ADCY2: variants seen among roughly 807,000 people sequenced by gnomAD.
The protein encoded by ADCY2 is adenylate cyclase 2, also known as adenylate cyclase type 2.
A neutral mutation model predicts 125.2 loss-of-function variants in ADCY2; 31 were observed. That is an observed-to-expected ratio of 0.25 (90% confidence interval 0.19 to 0.33). The LOEUF (loss-of-function observed/expected upper bound fraction) is 0.33, where lower values mean the gene tolerates loss of function less well. ADCY2 is among the 10% of genes least tolerant of loss of function. The pLI is 1.00. For synonymous variants in ADCY2, 512 were observed against 548.4 expected (o/e 0.93, Z 0.93); for missense variants, 904 against 1,418.2 (o/e 0.64, Z 5.82).
chr5:7,491,561 AT>A (rs1388759675), intron 2 of ADCY2, among the ~76,000 whole-genome samples: 1 of 152,180 alleles, frequency 6.6e-6, no homozygotes, highest in Admixed American at 6.5e-5. Context: ...ACTTTGAAGA[AT>A]CATTTTTTGT....
intron 14 of ADCY2, among the ~76,000 whole-genome samples, chr5:7,737,429 G>C (rs1201701613): frequency 6.6e-6 from 1 of 152,138 alleles, no homozygotes. Flanking sequence ...TGGAATTTTA[G>C]AAAAGGCAGG....
chr5:7,561,074 G>A (rs9313198), intron 3 of ADCY2, among the ~76,000 whole-genome samples: 4,192 of 152,262 alleles, frequency 0.028, 188 homozygotes, highest in African/African-American at 0.096. Context: ...CGTTCATAAG[G>A]AAAGGTTACG....
At chr5:7,462,888 G>A (rs1198969991) in intron 2 of ADCY2, among the ~76,000 whole-genome samples, 1 of 152,160 alleles carries the variant, frequency 6.6e-6, no homozygotes, top group Non-Finnish European at 1.5e-5. Context: ...AAAGGATATT[G>A]CAGTGTCCAG....
intron 2 of ADCY2, among the ~76,000 whole-genome samples, chr5:7,449,391 G>C (rs929916107): frequency 6.6e-6 from 1 of 152,126 alleles, no homozygotes; most frequent in African/African-American, 2.4e-5. Flanking sequence ...AGTGTATTCT[G>C]TACTATTTTT....
chr5:7,803,904 A>G (rs1397236086), intron 21 of ADCY2, among the ~76,000 whole-genome samples: 2 of 148,278 alleles, frequency 1.3e-5, no homozygotes, highest in Non-Finnish European at 3.0e-5. Flanking sequence ...TGTCTCGAAT[A>G]TATATATATA....
At chr5:7,613,618 G>T (rs1003700132) in intron 3 of ADCY2, among the ~76,000 whole-genome samples, 1 of 152,154 alleles carries the variant, frequency 6.6e-6, no homozygotes, top group African/African-American at 2.4e-5. Flanking sequence ...TTTTCTTGGC[G>T]TTTCATCTCA....
At chr5:7,461,697 C>T (rs904487540) in intron 2 of ADCY2, among the ~76,000 whole-genome samples, 7 of 152,152 alleles carry the variant, frequency 4.6e-5, no homozygotes, top group African/African-American at 1.7e-4. Flanking sequence ...AAGGAAATTC[C>T]TTACAGTTTT....
chr5:7,703,442 T>C (rs1741156823), intron 7 of ADCY2, among the ~76,000 whole-genome samples: 1 of 151,858 alleles, frequency 6.6e-6, no homozygotes, highest in African/African-American at 2.4e-5. Context: ...TTTCTACATA[T>C]AGCTAGCCAG....
chr5:7,813,656 A>G (rs137992242), intron 22 of ADCY2, among the ~76,000 whole-genome samples: 79 of 152,348 alleles, frequency 5.2e-4, no homozygotes, highest in African/African-American at 1.9e-3. Flanking sequence ...GAGACTGAAC[A>G]TAATTTTTTC....
At chr5:7,445,342 C>T (rs1741202234) in intron 2 of ADCY2, among the ~76,000 whole-genome samples, 1 of 152,226 alleles carries the variant, frequency 6.6e-6, no homozygotes, top group South Asian at 2.1e-4. Flanking sequence ...CCCTGCTTTC[C>T]TGTGCTTCAT....
chr5:7,532,883 C>G (rs764002960), intron 3 of ADCY2, among the ~76,000 whole-genome samples: 3 of 151,764 alleles, frequency 2.0e-5, no homozygotes, highest in African/African-American at 4.8e-5. Flanking sequence ...ATAATAATAA[C>G]AAACACTTAT....
At chr5:7,521,990 C>T (rs899109719) in intron 3 of ADCY2, among the ~76,000 whole-genome samples, 1 of 152,136 alleles carries the variant, frequency 6.6e-6, no homozygotes, top group African/African-American at 2.4e-5. Flanking sequence ...TACTAAGAAG[C>T]ATCCACTCCC....
intron 11 of ADCY2, among the ~76,000 whole-genome samples, chr5:7,714,973 G>T (rs1050280735): frequency 2.6e-5 from 4 of 152,204 alleles, no homozygotes; most frequent in African/African-American, 9.7e-5. Context: ...CAGGGGTTGG[G>T]GTCCTAGAGC....
intron 17 of ADCY2, among the ~76,000 whole-genome samples, chr5:7,772,250 G>C (rs1401549842): frequency 1.3e-5 from 2 of 152,204 alleles, no homozygotes; most frequent in Non-Finnish European, 2.9e-5. Flanking sequence ...TAAATGGGGA[G>C]GAAATGGCTC....
At chr5:7,699,059 G>A (rs1330108910) in intron 7 of ADCY2, among the ~76,000 whole-genome samples, 4 of 111,926 alleles carry the variant, frequency 3.6e-5, no homozygotes, top group African/African-American at 1.2e-4. Context: ...GTTGTTTCCT[G>A]AGTCAGGAAA....
intron 2 of ADCY2, among the ~76,000 whole-genome samples, chr5:7,520,459 T>C (rs1340687187): frequency 1.3e-5 from 2 of 152,202 alleles, no homozygotes; most frequent in Non-Finnish European, 2.9e-5. Context: ...AGAACCCTGA[T>C]AGTTTAGGAC....
At chr5:7,625,677 A>T (rs1738095018) in intron 3 of ADCY2, among the ~76,000 whole-genome samples, 1 of 152,200 alleles carries the variant, frequency 6.6e-6, no homozygotes, top group Non-Finnish European at 1.5e-5. Context: ...GTATCACAAT[A>T]ATGCTGCATA....
At chr5:7,786,418 G>T (rs1318953732) in intron 19 of ADCY2, among the ~76,000 whole-genome samples, 1 of 152,082 alleles carries the variant, frequency 6.6e-6, no homozygotes, top group Non-Finnish European at 1.5e-5. Context: ...TTTCCTGATT[G>T]GTTTATTAAA....
chr5:7,642,422 A>G (rs1293235055), intron 4 of ADCY2, among the ~76,000 whole-genome samples: 1 of 152,160 alleles, frequency 6.6e-6, no homozygotes, highest in African/African-American at 2.4e-5. Context: ...TCTGGATACT[A>G]GACCTTTGTC....
Sources: allele counts gnomAD v4.1 joint callset (sites outside exome capture counted in the v4.1 genomes callset), GRCh38; gene constraint gnomAD v4.1.1; transcripts MANE v1.5; gene names NCBI Gene and HGNC (gene_info 2026-07-23, HGNC 2026-07-21).